Variants in N4BP2 observed in about 807,000 individuals in gnomAD.
N4BP2 encodes NEDD4-binding protein 2.
In N4BP2, 91 loss-of-function variants were observed where a neutral mutation model predicts 152.8. That is an observed-to-expected ratio of 0.60 (90% CI 0.50 to 0.71). The LOEUF (loss-of-function observed/expected upper bound fraction) is 0.71. N4BP2 is among the 30% of genes least tolerant of loss of function. The pLI is 0.00. For synonymous variants in N4BP2, 646 were observed against 705.3 expected, an observed-to-expected ratio of 0.92 and a Z score of 1.33; for missense variants, 1,923 against 2,059.1, an observed-to-expected ratio of 0.93 and a Z score of 1.28.
At chr4:40,169,920 C>T in the N4BP2 span, among the ~76,000 whole-genome samples, 1 of 145,652 alleles carries the variant, frequency 6.9e-6, no homozygotes, top group Non-Finnish European at 1.5e-5. Flanking sequence ...ACTGAGATTG[C>T]ACCATTGCAC....
the N4BP2 span, among the ~76,000 whole-genome samples, chr4:40,188,784 G>C: frequency 6.7e-6 from 1 of 149,590 alleles, no homozygotes; most frequent in Non-Finnish European, 1.5e-5. Context: ...ACTGACTAAT[G>C]TAGTGCCTAA....
At chr4:40,179,152 A>G in the N4BP2 span, among the ~76,000 whole-genome samples, 3 of 152,122 alleles carry the variant, frequency 2.0e-5, no homozygotes. Flanking sequence ...GCAGATCACA[A>G]GGTCAGGAGA....
intron 16 of N4BP2, 33 bp from the exon 17 acceptor site, chr4:40,152,747 G>T: frequency 6.2e-7 from 1 of 1,610,282 alleles, no homozygotes; most frequent in Non-Finnish European, 8.5e-7. Flanking sequence ...TAAGATAAAT[G>T]AATTTTAACT....
At chr4:40,101,034 G>T (rs1173240800) in intron 3 of N4BP2, among the ~76,000 whole-genome samples, 1 of 152,108 alleles carries the variant, frequency 6.6e-6, no homozygotes, top group African/African-American at 2.4e-5. Flanking sequence ...TTTTTCTCTT[G>T]TGTCTGGCAA....
chr4:40,093,566 G>A (rs900246335), intron 2 of N4BP2, among the ~76,000 whole-genome samples: 2 of 151,146 alleles, frequency 1.3e-5, no homozygotes, highest in Non-Finnish European at 2.9e-5. Flanking sequence ...GCCACCTTGC[G>A]TGGCTAATTT....
the N4BP2 span, among the ~76,000 whole-genome samples, chr4:40,181,225 C>T: frequency 6.6e-6 from 1 of 152,156 alleles, no homozygotes; most frequent in African/African-American, 2.4e-5. Flanking sequence ...ATTGGTGGCT[C>T]TAGCCTGTCA....
intron 7 of N4BP2, among the ~76,000 whole-genome samples, chr4:40,117,005 C>T (rs1313012467): frequency 6.6e-6 from 1 of 152,066 alleles, no homozygotes; most frequent in East Asian, 1.9e-4. Context: ...CTTTTAATAT[C>T]ATCTCTTTGT....
At chr4:40,187,396 G>T in the N4BP2 span, among the ~76,000 whole-genome samples, 16 of 152,298 alleles carry the variant, frequency 1.1e-4, no homozygotes, top group East Asian at 2.9e-3. Flanking sequence ...AACGACACTG[G>T]TCATTTACTT....
chr4:40,161,001 C>G (rs753631420), downstream of N4BP2, among the ~76,000 whole-genome samples: 1 of 152,132 alleles, frequency 6.6e-6, no homozygotes, highest in Non-Finnish European at 1.5e-5. Flanking sequence ...TTCCCACCCC[C>G]AGAAGGACTG....
intron 2 of N4BP2, among the ~76,000 whole-genome samples, chr4:40,095,473 C>A (rs1715026362): frequency 6.6e-6 from 1 of 152,048 alleles, no homozygotes; most frequent in Non-Finnish European, 1.5e-5. Context: ...CTGCTTATGT[C>A]TGATATTAAT....
intron 2 of N4BP2, among the ~76,000 whole-genome samples, chr4:40,074,117 G>A (rs1578957276): frequency 6.7e-6 from 1 of 150,242 alleles, no homozygotes. Context: ...TTGAGATGGA[G>A]TGTTGCTCTA....
rs1384147482 is a variant in N4BP2 at position 40,155,260 on chromosome 4, CGT to C, written c.*1027_*1028del. On this transcript the variant is annotated 3_prime_UTR_variant, in exon 18 of 18. Coordinates refer to ENST00000261435, the MANE Select transcript of N4BP2 (RefSeq NM_018177.6). The stretch of plus-strand genomic sequence containing the variant: ...TACAAAAATTAGCTGGGTGTGGTGG[CGT>C]GTGCCTGTAATCCCAGCTACTTGGG... The C allele has an allele frequency of 6.6e-6, 1 of 151,978 alleles. No individual in the cohort carries two copies. Among genetic ancestry groups the C allele is most frequent in the Non-Finnish European group, 1.5e-5 (1 of 68,092 alleles). 9.4% of individuals were successfully genotyped at this position (151,978 alleles called of 1,614,324 possible).
chr4:40,132,132 T>A (rs1483801150), intron 13 of N4BP2, among the ~76,000 whole-genome samples: 1 of 152,158 alleles, frequency 6.6e-6, no homozygotes, highest in African/African-American at 2.4e-5. Flanking sequence ...TTCCTATAAA[T>A]AAGAATTGAT....
chr4:40,127,218 T>C (rs12507226), intron 12 of N4BP2, among the ~76,000 whole-genome samples: 27,516 of 151,916 alleles, frequency 0.18, 3,131 homozygotes, highest in Admixed American at 0.26. Context: ...TTTTTTCTTT[T>C]TTTTAATTTT....
At chr4:40,183,040 A>G in the N4BP2 span, among the ~76,000 whole-genome samples, 1 of 152,208 alleles carries the variant, frequency 6.6e-6, no homozygotes, top group Non-Finnish European at 1.5e-5. Flanking sequence ...AGAGGAATGT[A>G]TAAAACCAAC....
At chr4:40,140,189 T>G (rs540343663) in intron 14 of N4BP2, among the ~76,000 whole-genome samples, 1 of 152,348 alleles carries the variant, frequency 6.6e-6, no homozygotes, top group African/African-American at 2.4e-5. Flanking sequence ...CCTTTTTTCT[T>G]TGAATGTTTC....
chr4:40,161,626 T>C (rs993898167), downstream of N4BP2, among the ~76,000 whole-genome samples: 4 of 152,200 alleles, frequency 2.6e-5, no homozygotes, highest in African/African-American at 9.6e-5. Flanking sequence ...AGATACATGC[T>C]GAAATATGTA....
intron 1 of N4BP2, among the ~76,000 whole-genome samples, chr4:40,071,466 TGTG>T (rs1334510598): frequency 4.6e-5 from 7 of 152,240 alleles, no homozygotes; most frequent in Non-Finnish European, 5.9e-5. Context: ...ACCAAGCTAA[TGTG>T]GTGAGAACCT....
At chr4:40,127,661 A>G (rs6836716) in intron 12 of N4BP2, among the ~76,000 whole-genome samples, 5,961 of 150,910 alleles carry the variant, frequency 0.04, 186 homozygotes, top group African/African-American at 0.093. Flanking sequence ...CTGAGAAAAT[A>G]TATATATATA....
Sources: gnomAD v4.1 joint callset for allele counts (sites outside exome capture counted in the v4.1 genomes callset) on GRCh38, gnomAD v4.1.1 for gene constraint, MANE v1.5 for transcripts, NCBI Gene and HGNC (gene_info 2026-07-23, HGNC 2026-07-21) for gene names.